Variants in ANKRD11 observed in about 807,000 individuals in gnomAD.
The protein encoded by ANKRD11 is ankyrin repeat domain 11.
ANKRD11 carries 17 observed loss-of-function variants against 195.7 expected under a neutral mutation model. The ratio of observed to expected loss-of-function variants is 0.09; its 90% CI spans 0.06 to 0.13. The LOEUF (loss-of-function observed/expected upper bound fraction) is 0.13, where lower values mean the gene tolerates loss of function less well. Among genes scored for constraint, ANKRD11 ranks in the 10% least tolerant of loss-of-function variants. The pLI is 1.00. For synonymous variants in ANKRD11, 1,953 were observed against 1,528.1 expected, an observed-to-expected ratio of 1.28 and a Z score of -6.49; for missense variants, 3,735 against 3,566.1, an observed-to-expected ratio of 1.05 and a Z score of -1.21.
At chr16:89,410,818 A>G (rs2152207351) in intron 2 of ANKRD11, among the ~76,000 whole-genome samples, 1 of 152,340 alleles carries the variant, frequency 6.6e-6, no homozygotes, top group African/African-American at 2.4e-5. Context: ...GGGAAGCTTA[A>G]CAGAAGGGGG....
intron 9 of ANKRD11, among the ~76,000 whole-genome samples, chr16:89,276,113 C>T (rs753005365): frequency 6.6e-6 from 1 of 152,186 alleles, no homozygotes; most frequent in African/African-American, 2.4e-5. Context: ...GCAACAGGAG[C>T]GCACGGGGCA....
intron 2 of ANKRD11, among the ~76,000 whole-genome samples, chr16:89,364,534 G>A (rs1476113087): frequency 6.6e-6 from 1 of 152,128 alleles, no homozygotes; most frequent in African/African-American, 2.4e-5. Flanking sequence ...TCAAAACAGC[G>A]CTGAGCACAG....
intron 6 of ANKRD11, chr16:89,288,954 C>G (rs1441569342): frequency 1.8e-6 from 1 of 541,304 alleles, no homozygotes; most frequent in African/African-American, 1.9e-5. Context: ...GGTAGGAAAT[C>G]AGTGAACACA....
At chr16:89,447,931 G>A (rs757553348) in intron 1 of ANKRD11, among the ~76,000 whole-genome samples, 1 of 151,056 alleles carries the variant, frequency 6.6e-6, no homozygotes, top group Admixed American at 6.6e-5. Flanking sequence ...CAGCCTCCCA[G>A]GTAGCTGGGA....
intron 2 of ANKRD11, among the ~76,000 whole-genome samples, chr16:89,352,052 C>T (rs1043082623): frequency 4.6e-5 from 7 of 152,146 alleles, no homozygotes; most frequent in African/African-American, 1.7e-4. Context: ...GCACAAGCCA[C>T]CAGGCCCAGG....
chr16:89,456,974 T>TA (rs1441186828), intron 1 of ANKRD11, among the ~76,000 whole-genome samples: 1 of 127,806 alleles, frequency 7.8e-6, no homozygotes, highest in Non-Finnish European at 1.7e-5. Flanking sequence ...TTTTTTTTTT[T>TA]TTTGAGACGG....
intron 1 of ANKRD11, among the ~76,000 whole-genome samples, chr16:89,434,032 GTGTGTCACCTACA>G (rs1299187214): frequency 6.6e-6 from 1 of 152,164 alleles, no homozygotes; most frequent in African/African-American, 2.4e-5. Context: ...GATGCCCCTA[GTGTGTCACCTACA>G]GAGAAGGGAG....
intron 2 of ANKRD11, among the ~76,000 whole-genome samples, chr16:89,320,961 C>T (rs901959397): frequency 3.8e-4 from 58 of 152,356 alleles, no homozygotes; most frequent in African/African-American, 1.3e-3. Flanking sequence ...CTGCTCCTCC[C>T]GGAAGGTGGC....
chr16:89,388,660 C>A (rs1442523739), intron 2 of ANKRD11, among the ~76,000 whole-genome samples: 1 of 152,138 alleles, frequency 6.6e-6, no homozygotes, highest in Non-Finnish European at 1.5e-5. Flanking sequence ...AGGAGCCCTG[C>A]GATGAGCCGG....
chr16:89,305,532 G>C (rs561293478), intron 3 of ANKRD11, among the ~76,000 whole-genome samples, 188 bp from the exon 4 acceptor site: 1 of 152,066 alleles, frequency 6.6e-6, no homozygotes. Flanking sequence ...GCCCGGGGTC[G>C]GGCTGTGGCT....
intron 1 of ANKRD11, among the ~76,000 whole-genome samples, chr16:89,450,342 G>A (rs1186490032): frequency 2.0e-5 from 3 of 152,148 alleles, no homozygotes; most frequent in Admixed American, 6.6e-5. Flanking sequence ...ATAAGACTCA[G>A]AGACAGAATG....
In ANKRD11 at chr16:89,359,329, C is replaced by T. The variant is rs555310046; in HGVS notation, c.-59-42251G>A. Among the ~76,000 whole-genome samples the T allele has an allele frequency of 2.6e-5, 4 of 152,280 alleles. No individual in the cohort carries two copies. The South Asian group carries it at 8.3e-4, about 32-fold the overall frequency. ...AATCCCAGAGCAGCCATTTCCCATACAACTCAATCGCACGTACAGCCCTTT... is the reference window on the plus strand; with the variant it reads ...AATCCCAGAGCAGCCATTTCCCATATAACTCAATCGCACGTACAGCCCTTT... On this transcript the variant is annotated intron_variant, in intron 2 of 12. Coordinates refer to ENST00000301030, the MANE Select transcript of ANKRD11 (RefSeq NM_013275.6).
At chr16:89,416,595 G>A (rs961155884) in intron 2 of ANKRD11, among the ~76,000 whole-genome samples, 9 of 152,028 alleles carry the variant, frequency 5.9e-5, no homozygotes, top group Admixed American at 2.0e-4. Context: ...ACTGTGCCTG[G>A]CCACTAATTG....
intron 2 of ANKRD11, among the ~76,000 whole-genome samples, chr16:89,358,052 C>A (rs1008655851): frequency 6.6e-6 from 1 of 152,220 alleles, no homozygotes; most frequent in Non-Finnish European, 1.5e-5. Flanking sequence ...CTGCTTTGAA[C>A]AATGGAGGAA....
intron 1 of ANKRD11, among the ~76,000 whole-genome samples, chr16:89,480,247 C>A (rs546841552): frequency 6.6e-6 from 1 of 151,932 alleles, no homozygotes; most frequent in Non-Finnish European, 1.5e-5. Flanking sequence ...GAGGCCAAGG[C>A]GGGTGGATCA....
At chr16:89,358,511 T>G (rs1358182329) in intron 2 of ANKRD11, among the ~76,000 whole-genome samples, 1 of 152,274 alleles carries the variant, frequency 6.6e-6, no homozygotes, top group East Asian at 1.9e-4. Flanking sequence ...ATACCCCGTT[T>G]TCCATGATAT....
chr16:89,313,670 T>A (rs1354153755), intron 3 of ANKRD11: 2 of 1,186,628 alleles, frequency 1.7e-6, no homozygotes, highest in Non-Finnish European at 2.2e-6. Flanking sequence ...GCAGAAACCA[T>A]TTCAGCCTGT....
intron 2 of ANKRD11, among the ~76,000 whole-genome samples, chr16:89,364,150 C>A (rs1427263004): frequency 6.6e-6 from 1 of 152,170 alleles, no homozygotes; most frequent in East Asian, 1.9e-4. Flanking sequence ...AGCCCTGGAG[C>A]CTGGGTGTAC....
chr16:89,460,620 T>G (rs2056620265), intron 1 of ANKRD11, among the ~76,000 whole-genome samples: 1 of 152,046 alleles, frequency 6.6e-6, no homozygotes, highest in South Asian at 2.1e-4. Context: ...GCATGTAATC[T>G]CAGCACTATG....
Sources: allele counts gnomAD v4.1 joint callset (sites outside exome capture counted in the v4.1 genomes callset), GRCh38; gene constraint gnomAD v4.1.1; transcripts MANE v1.5; gene names NCBI Gene and HGNC (gene_info 2026-07-23, HGNC 2026-07-21).